The following ANKS1A variants were observed in gnomAD, a reference collection of about 807,000 sequenced individuals.
The protein encoded by ANKS1A is ankyrin repeat and SAM domain-containing protein 1A.
In ANKS1A, 55 loss-of-function variants were observed where a neutral mutation model predicts 120.3. That is an observed-to-expected ratio of 0.46 (90% CI 0.37 to 0.57). ANKS1A has a LOEUF of 0.57. ANKS1A is among the 20% of genes least tolerant of loss of function. The probability of loss-of-function intolerance (pLI) is 0.00; values close to 1 mark genes in which losing one functional copy is unlikely to be tolerated. For synonymous variants in ANKS1A, 590 were observed against 604.7 expected, an observed-to-expected ratio of 0.98 and a Z score of 0.36; for missense variants, 1,123 against 1,480.3, an observed-to-expected ratio of 0.76 and a Z score of 3.96.
intron 3 of ANKS1A, among the ~76,000 whole-genome samples, chr6:34,975,974 C>T (rs1771554463): frequency 6.6e-6 from 1 of 151,528 alleles, no homozygotes; most frequent in South Asian, 2.1e-4. Context: ...CCCGTGACTA[C>T]TAAAAATACA....
intron 1 of ANKS1A, among the ~76,000 whole-genome samples, chr6:34,901,976 T>C (rs1767371522): frequency 6.6e-6 from 1 of 152,254 alleles, no homozygotes. Flanking sequence ...TACCTAACAG[T>C]AATAGAATAG....
At chr6:35,046,970 C>T (rs1561937166) in intron 11 of ANKS1A, among the ~76,000 whole-genome samples, 3 of 152,212 alleles carry the variant, frequency 2.0e-5, no homozygotes, top group Non-Finnish European at 4.4e-5. Flanking sequence ...TTTGCCTATT[C>T]TAGAACTTCA....
At chr6:35,066,398 G>C (rs554239955) in intron 13 of ANKS1A, among the ~76,000 whole-genome samples, 2 of 152,082 alleles carry the variant, frequency 1.3e-5, no homozygotes, top group African/African-American at 2.4e-5. Context: ...AGATCTACAC[G>C]GCTGATTTGG....
intron 13 of ANKS1A, among the ~76,000 whole-genome samples, chr6:35,076,558 C>T (rs149795953): frequency 6.6e-6 from 1 of 152,334 alleles, no homozygotes; most frequent in Non-Finnish European, 1.5e-5. Flanking sequence ...TGGCAAGTCA[C>T]CAGGGCTTTA....
chr6:34,891,279 T>G (rs928792566), intron 1 of ANKS1A, among the ~76,000 whole-genome samples: 3 of 152,232 alleles, frequency 2.0e-5, no homozygotes, highest in African/African-American at 7.2e-5. Context: ...AAGAACTTCC[T>G]GCCTGCACCC....
In ANKS1A at chr6:35,090,128, T is replaced by C. The variant is rs1387959687; in HGVS notation, c.*1519T>C. The C allele has an allele frequency of 1.6e-6, 2 of 1,289,438 alleles. No individual in the cohort carries two copies. Among genetic ancestry groups the C allele is most frequent in the Non-Finnish European group, 2.0e-6 (2 of 988,862 alleles). The allele number at this position is 1,289,438 out of a possible 1,614,324, so 79.9% of individuals were successfully genotyped here. On this transcript the variant is annotated 3_prime_UTR_variant, in exon 24 of 24. Transcript: ENST00000360359. ...CACCCAGCAGGTTGGGGCCTGGGAC[T>C]CAGCTCTCTCTGCGGTAGAGGCAGG...
At chr6:35,024,766 C>G (rs953351329) in intron 11 of ANKS1A, among the ~76,000 whole-genome samples, 4 of 152,222 alleles carry the variant, frequency 2.6e-5, no homozygotes, top group African/African-American at 9.6e-5. Context: ...ATGATGTCAT[C>G]AAGAGACAAG....
chr6:35,030,637 C>T (rs576575565), intron 11 of ANKS1A, among the ~76,000 whole-genome samples: 2 of 152,324 alleles, frequency 1.3e-5, no homozygotes, highest in African/African-American at 4.8e-5. Context: ...CTCTACCATC[C>T]ACCGTTACGT....
At position 35,044,590 on chromosome 6, in the gene ANKS1A, A is replaced by G. The variant is rs1775628567; in HGVS notation, c.2011-9509A>G. Among the ~76,000 whole-genome samples, 2 of 152,212 alleles carry G rather than the reference A, an allele frequency of 1.3e-5. No homozygotes were observed. Among genetic ancestry groups the G allele is most frequent in the Non-Finnish European group, 2.9e-5 (2 of 68,028 alleles). On this transcript the variant is annotated intron_variant, in intron 11 of 23. Coordinates refer to ENST00000360359, the MANE Select transcript of ANKS1A (RefSeq NM_015245.3). This position sits in a 1 kb window ranked among gnomAD's most constrained non-coding sequence, Gnocchi z 4.4. ...CTTCGCGCCCCAAGAGCTGCCTTGT[A>G]GAAAGGCGTCACTCCCTCACATAAA... is the stretch of plus-strand genomic sequence containing the variant.
intron 1 of ANKS1A, among the ~76,000 whole-genome samples, chr6:34,931,930 G>A (rs1029808893): frequency 5.9e-5 from 9 of 152,198 alleles, no homozygotes; most frequent in Admixed American, 1.3e-4. Flanking sequence ...AGAATTTAAT[G>A]AGCATATATT....
intron 1 of ANKS1A, among the ~76,000 whole-genome samples, chr6:34,922,200 T>C (rs1768472376): frequency 6.6e-6 from 1 of 152,166 alleles, no homozygotes; most frequent in Non-Finnish European, 1.5e-5. Context: ...TATTATATTT[T>C]AAGCACTGTG....
chr6:34,902,206 G>GAA (rs1767382080), intron 1 of ANKS1A, among the ~76,000 whole-genome samples: 1 of 151,904 alleles, frequency 6.6e-6, no homozygotes, highest in South Asian at 2.1e-4. Context: ...GATGATCCAG[G>GAA]GCTTAGTGCT....
rs1266035862 is a variant in ANKS1A at position 34,922,286 on chromosome 6, A to C, written c.197+32687A>C. On this transcript the variant is annotated intron_variant, in intron 1 of 23. Coordinates refer to ENST00000360359, the MANE Select transcript of ANKS1A (RefSeq NM_015245.3). ...TCCCCATTTTACAGATGAGGAAACT[A>C]AGGTGAGAGAGGCTGCGTAATATGT... 2.0e-5 allele frequency among the ~76,000 whole-genome samples: 3 copies of C among 152,182 alleles called. No homozygotes were observed. The East Asian group carries it at 5.8e-4, about 29-fold the overall frequency.
rs1170324625 is a variant in ANKS1A, at chr6:35,088,875, T to C, written c.*266T>C. The C allele has an allele frequency of 8.4e-6, 12 of 1,422,836 alleles. No homozygotes were observed. The highest frequency in any genetic ancestry group is 1.5e-5 in the South Asian group (1 of 65,208). The allele number at this position is 1,422,836 out of a possible 1,614,324, so 88.1% of individuals were successfully genotyped here. ...CAAGAAGTGACTTGTTCAGAACACA[T>C]TGTTTTTAACAGAAAAAAAATCTTT... is the stretch of plus-strand genomic sequence containing the variant. On this transcript the variant is annotated 3_prime_UTR_variant, in exon 24 of 24. Coordinates refer to ENST00000360359, the MANE Select transcript of ANKS1A (RefSeq NM_015245.3).
At position 34,983,313 on chromosome 6, in the gene ANKS1A, T is replaced by G; in HGVS notation, c.911-11T>G. ...CACTTTTTATTTTTATTTTTTGATCTTTCCATGTAGATCACATGACTGGAA... is the reference window on the plus strand; with the variant it reads ...CACTTTTTATTTTTATTTTTTGATCGTTCCATGTAGATCACATGACTGGAA... On this transcript the variant is annotated splice_polypyrimidine_tract_variant and intron_variant, in intron 6 of 23. Coordinates refer to ENST00000360359, the MANE Select transcript of ANKS1A (RefSeq NM_015245.3). 1 of 1,613,374 alleles carries G rather than the reference T, an allele frequency of 6.2e-7. No homozygotes were observed. Among genetic ancestry groups the G allele is most frequent in the Non-Finnish European group, 8.5e-7 (1 of 1,179,550 alleles).
chr6:35,075,415 C>CTT lies in ANKS1A; in HGVS notation c.2185-3126_2185-3125dup, dbSNP rs747359283. ...ATTTCATAGATAAAAGGTTAATTTT[C>CTT]TTTTTTTTTTTTTTTTTTGAGATGG... On this transcript the variant is annotated intron_variant, in intron 13 of 23. Coordinates refer to ENST00000360359, the MANE Select transcript of ANKS1A (RefSeq NM_015245.3). Among the ~76,000 whole-genome samples the CTT allele has an allele frequency of 1.5e-3, 189 of 129,860 alleles. 4 individuals carry two copies. Among genetic ancestry groups the CTT allele is most frequent in the East Asian group, 7.8e-3 (34 of 4,370 alleles). The allele number at this position is 129,860 out of a possible 152,430, so 85.2% of individuals were successfully genotyped here. A position where few individuals can be genotyped will look rare whatever the true frequency, so the allele number is the denominator to read the frequency against.
rs144157269 is a variant in ANKS1A at position 34,979,690 on chromosome 6, G to A, written c.436-2000G>A. ...AAATCAAGGACAATTTATTCTGGTTGTTGGGAGACAACTTGGATATAAAAG... is the reference window on the plus strand; with the variant it reads ...AAATCAAGGACAATTTATTCTGGTTATTGGGAGACAACTTGGATATAAAAG... On this transcript the variant is annotated intron_variant, in intron 3 of 23. Coordinates refer to ENST00000360359, the MANE Select transcript of ANKS1A (RefSeq NM_015245.3). 6.4e-3 allele frequency among the ~76,000 whole-genome samples: 972 copies of A among 151,644 alleles called. 10 individuals carry two copies. The highest frequency in any genetic ancestry group is 0.022 in the African/African-American group (929 of 41,356).
Position 35,084,336 on chromosome 6 carries a change from A to T in ANKS1A, c.3132+78A>T. 6.4e-7 allele frequency: 1 copy of T among 1,563,782 alleles called. No homozygotes were observed. Among genetic ancestry groups the T allele is most frequent in the Non-Finnish European group, 8.6e-7 (1 of 1,156,582 alleles). On this transcript the variant is annotated intron_variant, in intron 21 of 23. Transcript: ENST00000360359. This position sits in a 1 kb window ranked among gnomAD's most constrained non-coding sequence, Gnocchi z 4.8. ...CGTCCAGCCCCATTGCAGGGCACAG[A>T]TGCGGCGCTGTCCTGGCCCCTGGCC...
At position 34,934,691 on chromosome 6, in the gene ANKS1A, G is replaced by A. The variant is rs140832266; in HGVS notation, c.198-32548G>A. On this transcript the variant is annotated intron_variant, in intron 1 of 23. Transcript: ENST00000360359. The stretch of plus-strand genomic sequence containing the variant: ...TCATAGTAAGTGTTGGAAAGTGGGC[G>A]TCGTGACAAGTTGGCTCTGACCCAG... Among the ~76,000 whole-genome samples, 5 of 152,332 alleles carry A rather than the reference G, an allele frequency of 3.3e-5. No individual in the cohort carries two copies. The East Asian group carries it at 7.7e-4, about 23-fold the overall frequency.
Sources: gnomAD v4.1 joint callset for allele counts (sites outside exome capture counted in the v4.1 genomes callset) on GRCh38, gnomAD v4.1.1 for gene constraint, Gnocchi (gnomAD v3.1) non-coding constraint, MANE v1.5 for transcripts, NCBI Gene and HGNC (gene_info 2026-07-23, HGNC 2026-07-21) for gene names.